Variants in DPYD observed in about 807,000 individuals in gnomAD.
DPYD encodes dihydropyrimidine dehydrogenase, also known as dihydropyrimidine dehydrogenase [NADP(+)].
Under a neutral mutation model 116.2 loss-of-function variants are expected in DPYD, and 109 were observed. That is an observed-to-expected ratio of 0.94 (90% CI 0.80 to 1.10). The LOEUF (loss-of-function observed/expected upper bound fraction) is 1.10, where lower values mean the gene tolerates loss of function less well. Among genes scored for constraint, DPYD ranks in the 50% least tolerant of loss-of-function variants. DPYD has a pLI of 0.00. For missense variants in DPYD, 1,302 were observed against 1,254.5 expected, an observed-to-expected ratio of 1.04 and a Z score of -0.57; for synonymous variants, 440 against 432.0, an observed-to-expected ratio of 1.02 and a Z score of -0.23.
intron 20 of DPYD, among the ~76,000 whole-genome samples, chr1:97,180,551 T>A (rs900134935): frequency 7.2e-5 from 11 of 152,188 alleles, no homozygotes; most frequent in Non-Finnish European, 1.3e-4. Context: ...AAGTTTTAAC[T>A]TACATGGATA....
At chr1:97,123,025 C>G (rs1652568233) in intron 20 of DPYD, among the ~76,000 whole-genome samples, 1 of 152,044 alleles carries the variant, frequency 6.6e-6, no homozygotes, top group African/African-American at 2.4e-5. Context: ...TAGATCAGAC[C>G]ATCCTCTATT....
intron 8 of DPYD, among the ~76,000 whole-genome samples, chr1:97,613,946 C>T (rs1192522567): frequency 6.6e-6 from 1 of 151,974 alleles, no homozygotes; most frequent in Non-Finnish European, 1.5e-5. Flanking sequence ...AATTATCTGG[C>T]TCACGAAGAG....
chr1:97,870,355 A>G (rs1207723089), intron 2 of DPYD, among the ~76,000 whole-genome samples: 2 of 151,920 alleles, frequency 1.3e-5, no homozygotes, highest in African/African-American at 4.8e-5. Context: ...TAATGAAAAC[A>G]AAAATATGAA....
intron 5 of DPYD, among the ~76,000 whole-genome samples, chr1:97,712,818 T>C (rs1662367620): frequency 6.6e-6 from 1 of 152,100 alleles, no homozygotes; most frequent in Non-Finnish European, 1.5e-5. Flanking sequence ...CTTTCTCTAC[T>C]TTTTTCTGCA....
Position 97,715,522 on chromosome 1 carries a change from T to C in DPYD, c.483+5988A>G, listed in dbSNP as rs1388997757. On this transcript the variant is annotated intron_variant, in intron 5 of 22. Transcript: ENST00000370192. The stretch of plus-strand genomic sequence containing the variant: ...CAATGCCCAATCAATGTTAGTTTGA[T>C]TAACTGAATCCTTACCTAGTGGGCT... Among the ~76,000 whole-genome samples, 5 of 152,154 alleles carry C rather than the reference T, an allele frequency of 3.3e-5. No individual in the cohort carries two copies. The East Asian group carries it at 9.6e-4, about 29-fold the overall frequency.
chr1:97,655,113 A>G (rs1658830391), intron 8 of DPYD, among the ~76,000 whole-genome samples: 1 of 152,162 alleles, frequency 6.6e-6, no homozygotes, highest in Non-Finnish European at 1.5e-5. Context: ...CAGCCAAACC[A>G]TATCAGCTAC....
intron 19 of DPYD, among the ~76,000 whole-genome samples, chr1:97,213,037 G>T (rs1660144778): frequency 6.6e-6 from 1 of 152,142 alleles, no homozygotes; most frequent in African/African-American, 2.4e-5. Context: ...CAGGTTAATA[G>T]ATGGCCATCT....
chr1:97,286,148 G>A (rs1029140740), intron 18 of DPYD, among the ~76,000 whole-genome samples: 1 of 152,162 alleles, frequency 6.6e-6, no homozygotes, highest in African/African-American at 2.4e-5. Flanking sequence ...TTGCTTGTCT[G>A]TAAAGGATTT....
chr1:97,723,568 T>C (rs768169468), intron 4 of DPYD, among the ~76,000 whole-genome samples: 5 of 151,668 alleles, frequency 3.3e-5, no homozygotes, highest in Non-Finnish European at 7.4e-5. Flanking sequence ...TATTACATAG[T>C]TCTTTTAGTT....
At chr1:97,376,220 A>T (rs540519295) in intron 15 of DPYD, among the ~76,000 whole-genome samples, 1 of 152,324 alleles carries the variant, frequency 6.6e-6, no homozygotes, top group South Asian at 2.1e-4. Flanking sequence ...TGAGTCCAGG[A>T]CCTGCATTTA....
chr1:97,257,129 G>A (rs1259818418), intron 18 of DPYD, among the ~76,000 whole-genome samples: 1 of 151,450 alleles, frequency 6.6e-6, no homozygotes, highest in African/African-American at 2.4e-5. Flanking sequence ...TAGAACATTT[G>A]GCATTTGAAA....
intron 14 of DPYD, among the ~76,000 whole-genome samples, chr1:97,437,283 T>C (rs1454508312): frequency 2.0e-5 from 3 of 151,438 alleles, no homozygotes; most frequent in African/African-American, 7.3e-5. Context: ...TAATAATATA[T>C]GTACTTTTGT....
intron 3 of DPYD, among the ~76,000 whole-genome samples, chr1:97,754,137 A>G (rs1386161622): frequency 6.6e-6 from 1 of 152,166 alleles, no homozygotes; most frequent in African/African-American, 2.4e-5. Context: ...ATAAGAATAT[A>G]AATGTTTAAT....
At chr1:97,363,699 A>G (rs1261752393) in intron 16 of DPYD, among the ~76,000 whole-genome samples, 2 of 152,176 alleles carry the variant, frequency 1.3e-5, no homozygotes, top group African/African-American at 4.8e-5. Context: ...AACTAGCACA[A>G]GGACAAAAAA....
chr1:97,691,872 T>G (rs1478187293), intron 6 of DPYD, 74 bp from the exon 7 acceptor site: 1 of 1,178,100 alleles, frequency 8.5e-7, no homozygotes. Flanking sequence ...TAAAAAAAGG[T>G]AACATGTCTT....
chr1:97,491,514 A>G lies in DPYD; in HGVS notation c.1740+24212T>C, dbSNP rs1678976237. ...CTTTTTTAAGCTGATTTTGAGGCCA[A>G]TTTTCAGTGACATCTTTAATGAAAC... On this transcript the variant is annotated intron_variant, in intron 13 of 22. Coordinates refer to ENST00000370192, the MANE Select transcript of DPYD (RefSeq NM_000110.4). Among the ~76,000 whole-genome samples, 3 of 152,020 alleles carry G rather than the reference A, an allele frequency of 2.0e-5. No individual in the cohort carries two copies. In the South Asian group the frequency reaches 6.2e-4, roughly 32 times the overall value.
At chr1:97,499,696 A>G (rs913051413) in intron 13 of DPYD, among the ~76,000 whole-genome samples, 5 of 152,004 alleles carry the variant, frequency 3.3e-5, no homozygotes, top group African/African-American at 1.2e-4. Context: ...TTAATAAGAA[A>G]GTCACAACAA....
chr1:97,317,956 C>T (rs1667966459), intron 16 of DPYD, among the ~76,000 whole-genome samples: 1 of 151,836 alleles, frequency 6.6e-6, no homozygotes, highest in Non-Finnish European at 1.5e-5. Context: ...ATTTTCAACC[C>T]AGAATTTCAT....
At chr1:97,604,046 AAGCAAGTGG>A (rs1655423664) in intron 8 of DPYD, among the ~76,000 whole-genome samples, 1 of 152,148 alleles carries the variant, frequency 6.6e-6, no homozygotes, top group East Asian at 1.9e-4. Context: ...AAGACTGAGG[AAGCAAGTGG>A]CAGGCTTTAA....
Sources: gnomAD v4.1 joint callset for allele counts (sites outside exome capture counted in the v4.1 genomes callset) on GRCh38, gnomAD v4.1.1 for gene constraint, MANE v1.5 for transcripts, NCBI Gene and HGNC (gene_info 2026-07-23, HGNC 2026-07-21) for gene names.